Variants in SNX6 observed in about 807,000 individuals in gnomAD.
The protein encoded by SNX6 is sorting nexin-6.
In SNX6, 34 loss-of-function variants were observed where a neutral mutation model predicts 63.0. That is an observed-to-expected ratio of 0.54 (90% CI 0.41 to 0.72). The LOEUF (loss-of-function observed/expected upper bound fraction) is 0.72, where lower values mean the gene tolerates loss of function less well. Ranked by LOEUF, SNX6 falls within the 30% of genes least tolerant of loss-of-function variation. The pLI, the probability that SNX6 is intolerant of heterozygous loss-of-function variation, is 0.00. For synonymous variants in SNX6, 170 were observed against 164.2 expected (o/e 1.04, Z -0.27); for missense variants, 398 against 471.4 (o/e 0.84, Z 1.44).
At chr14:34,565,331 C>A (rs1184420958) in intron 13 of SNX6, among the ~76,000 whole-genome samples, 3 of 151,906 alleles carry the variant, frequency 2.0e-5, no homozygotes, top group Non-Finnish European at 4.4e-5. Flanking sequence ...CCCGCCTTGG[C>A]CTCCCAAAGT....
chr14:34,609,763 TC>T, intron 2 of SNX6, 21 bp from the exon 3 acceptor site: 1 of 1,458,434 alleles, frequency 6.9e-7, no homozygotes, highest in Non-Finnish European at 9.5e-7. Flanking sequence ...AAAACCAGTA[TC>T]TTCATGAAAA....
intron 2 of SNX6, among the ~76,000 whole-genome samples, chr14:34,618,275 C>G (rs553644348): frequency 1.3e-5 from 2 of 152,258 alleles, no homozygotes; most frequent in South Asian, 4.1e-4. Flanking sequence ...CAGTGGCCTA[C>G]CAGGCACTAT....
At chr14:34,588,712 G>C (rs1325425056) in intron 8 of SNX6, among the ~76,000 whole-genome samples, 1 of 152,112 alleles carries the variant, frequency 6.6e-6, no homozygotes, top group Non-Finnish European at 1.5e-5. Context: ...TGTATCAGAA[G>C]GATCAATATT....
chr14:34,565,282 G>A (rs184206055), intron 13 of SNX6, among the ~76,000 whole-genome samples: 1 of 151,454 alleles, frequency 6.6e-6, no homozygotes, highest in Non-Finnish European at 1.5e-5. Context: ...TTTCACCGTG[G>A]TAGCCAGGAT....
intron 8 of SNX6, among the ~76,000 whole-genome samples, chr14:34,586,605 G>A (rs1209135488): frequency 1.3e-5 from 2 of 152,136 alleles, no homozygotes; most frequent in African/African-American, 4.8e-5. Context: ...CTACTCGGGA[G>A]GCTGAGGCAG....
intron 13 of SNX6, 81 bp from the exon 14 acceptor site, chr14:34,563,256 G>A: frequency 2.9e-6 from 4 of 1,369,120 alleles, no homozygotes; most frequent in Admixed American, 1.9e-5. Context: ...AGTTAGAAAC[G>A]ACATAAAATA....
chr14:34,579,588 C>G (rs1206319292), intron 10 of SNX6, among the ~76,000 whole-genome samples: 1 of 152,070 alleles, frequency 6.6e-6, no homozygotes, highest in Non-Finnish European at 1.5e-5. Flanking sequence ...GCCTGGCCGA[C>G]AGAGTGAGAC....
chr14:34,599,690 C>T (rs1326148048), intron 6 of SNX6, among the ~76,000 whole-genome samples: 2 of 150,038 alleles, frequency 1.3e-5, no homozygotes, highest in Admixed American at 6.8e-5. Context: ...TGGAGAATCG[C>T]TTGCACCTGG....
intron 9 of SNX6, among the ~76,000 whole-genome samples, chr14:34,582,485 G>A (rs1034180128): frequency 1.3e-5 from 2 of 152,058 alleles, no homozygotes; most frequent in Non-Finnish European, 1.5e-5. Context: ...GAGATTACAG[G>A]TGTGAGCCAG....
chr14:34,616,246 G>A (rs1883415778), intron 2 of SNX6, among the ~76,000 whole-genome samples: 1 of 152,090 alleles, frequency 6.6e-6, no homozygotes, highest in South Asian at 2.1e-4. Context: ...GAGCCACCAT[G>A]CCCAGCCAGG....
intron 11 of SNX6, among the ~76,000 whole-genome samples, chr14:34,571,716 T>C (rs1881461014): frequency 6.6e-6 from 1 of 152,182 alleles, no homozygotes. Flanking sequence ...ACATTTCTTT[T>C]TATTACTGAG....
intron 13 of SNX6, among the ~76,000 whole-genome samples, chr14:34,565,117 A>G (rs1395833320): frequency 2.1e-5 from 3 of 144,712 alleles, no homozygotes; most frequent in Admixed American, 1.4e-4. Context: ...TTGCTCTGTC[A>G]CCCAGGCTGG....
At chr14:34,576,455 T>A (rs1265707725) in intron 10 of SNX6, among the ~76,000 whole-genome samples, 11 of 4,150 alleles carry the variant, frequency 2.7e-3, no homozygotes, top group Non-Finnish European at 3.3e-3. Flanking sequence ...TATATATATT[T>A]TTTTTTTTTT....
At chr14:34,624,229 T>A (rs1388204956) in intron 2 of SNX6, among the ~76,000 whole-genome samples, 2 of 152,152 alleles carry the variant, frequency 1.3e-5, no homozygotes, top group African/African-American at 4.8e-5. Context: ...GCCTCCCAAG[T>A]AGCTGGGATT....
intron 7 of SNX6, among the ~76,000 whole-genome samples, chr14:34,593,790 T>C (rs12891984): frequency 0.88 from 131,645 of 150,350 alleles, 57,730 homozygotes; most frequent in African/African-American, 0.88. Context: ...ACATTGGTCA[T>C]GCTGGTCTCG....
chr14:34,613,878 G>A (rs183210449), intron 2 of SNX6, among the ~76,000 whole-genome samples: 12 of 152,120 alleles, frequency 7.9e-5, no homozygotes, highest in African/African-American at 2.9e-4. Flanking sequence ...GGAGCCCGAG[G>A]TGGGTGGATC....
intron 11 of SNX6, among the ~76,000 whole-genome samples, chr14:34,572,773 T>A (rs1283951688): frequency 6.6e-6 from 1 of 152,010 alleles, no homozygotes; most frequent in East Asian, 1.9e-4. Context: ...CTCCGCCTCC[T>A]GGGTTCATGC....
intron 13 of SNX6, among the ~76,000 whole-genome samples, chr14:34,564,425 G>C (rs945668526): frequency 6.6e-6 from 1 of 152,154 alleles, no homozygotes; most frequent in African/African-American, 2.4e-5. Context: ...TCCAGATATT[G>C]CAAAATGTCC....
Position 34,616,236 on chromosome 14 carries a change from G to A in SNX6, c.55-6494C>T, listed in dbSNP as rs140386142. 5.0e-3 allele frequency among the ~76,000 whole-genome samples: 756 copies of A among 152,278 alleles called. 5 individuals are homozygous for A. Among genetic ancestry groups the A allele is most frequent in the African/African-American group, 0.017 (716 of 41,558 alleles). On this transcript the variant is annotated intron_variant, in intron 2 of 13. Transcript: ENST00000362031. ...CCCAAAGTGCTGGGATTACAGGTGT[G>A]AGCCACCATGCCCAGCCAGGAATGT...
Sources: gnomAD v4.1 joint callset for allele counts (sites outside exome capture counted in the v4.1 genomes callset) on GRCh38, gnomAD v4.1.1 for gene constraint, MANE v1.5 for transcripts, NCBI Gene and HGNC (gene_info 2026-07-23, HGNC 2026-07-21) for gene names.